Variants in RBFOX1 observed in about 807,000 individuals in gnomAD.
RBFOX1 encodes RNA binding protein fox-1 homolog 1.
RBFOX1 carries 8 observed loss-of-function variants against 57.7 expected under a neutral mutation model. That is an observed-to-expected ratio of 0.14 (90% CI 0.08 to 0.25). The LOEUF is 0.25. Ranked by LOEUF, RBFOX1 falls within the 10% of genes least tolerant of loss-of-function variation. The pLI is 1.00. For synonymous variants in RBFOX1, 326 were observed against 222.4 expected, an observed-to-expected ratio of 1.47 and a Z score of -4.15; for missense variants, 611 against 548.5, an observed-to-expected ratio of 1.11 and a Z score of -1.14.
chr16:7,313,475 C>CTTTT (rs5815390), intron 4 of RBFOX1, among the ~76,000 whole-genome samples: 1 of 144,278 alleles, frequency 6.9e-6, no homozygotes. Context: ...CTTTTCTTGT[C>CTTTT]TTTTTTTTTT....
intron 3 of RBFOX1, among the ~76,000 whole-genome samples, chr16:6,925,736 C>T (rs561823967): frequency 6.6e-6 from 1 of 151,876 alleles, no homozygotes; most frequent in Non-Finnish European, 1.5e-5. Flanking sequence ...TTTAAACACC[C>T]AAACACAGAC....
At chr16:7,465,774 C>T (rs185479200) in intron 4 of RBFOX1, among the ~76,000 whole-genome samples, 24 of 152,238 alleles carry the variant, frequency 1.6e-4, no homozygotes, top group African/African-American at 5.5e-4. Context: ...TAATGCTGAA[C>T]CCCAGGAATA....
chr16:7,232,142 G>A (rs2093535428), intron 4 of RBFOX1, among the ~76,000 whole-genome samples: 1 of 151,994 alleles, frequency 6.6e-6, no homozygotes, highest in African/African-American at 2.4e-5. Flanking sequence ...TCCTGCTTCA[G>A]CCTCCTGAGT....
chr16:6,163,546 A>G (rs781584598), intron 1 of RBFOX1, among the ~76,000 whole-genome samples: 4 of 152,082 alleles, frequency 2.6e-5, no homozygotes. Flanking sequence ...TTGGATGTTA[A>G]TTTGTTGTTC....
At chr16:5,551,797 C>T (rs933207680) in intron 2 of RBFOX1, among the ~76,000 whole-genome samples, 2 of 151,726 alleles carry the variant, frequency 1.3e-5, no homozygotes, top group Non-Finnish European at 2.9e-5. Flanking sequence ...CTCCGCCCCC[C>T]ACCCCCCGAC....
intron 2 of RBFOX1, among the ~76,000 whole-genome samples, chr16:6,527,549 C>A (rs1156650497): frequency 6.6e-6 from 1 of 152,086 alleles, no homozygotes; most frequent in African/African-American, 2.4e-5. Flanking sequence ...TCATTCAGGC[C>A]ACTTGAAACA....
chr16:5,619,058 A>G (rs1433959182), intron 3 of RBFOX1, among the ~76,000 whole-genome samples: 4 of 152,204 alleles, frequency 2.6e-5, no homozygotes, highest in Non-Finnish European at 5.9e-5. Context: ...CAAAATGTCT[A>G]GTCTATTCAC....
At chr16:6,973,199 G>C (rs112990662) in intron 3 of RBFOX1, among the ~76,000 whole-genome samples, 3 of 151,840 alleles carry the variant, frequency 2.0e-5, no homozygotes, top group African/African-American at 7.3e-5. Flanking sequence ...GTGTGGTGGT[G>C]GGGGGCGGGG....
chr16:7,123,533 T>G (rs1037617729), intron 4 of RBFOX1, among the ~76,000 whole-genome samples: 7 of 152,026 alleles, frequency 4.6e-5, no homozygotes, highest in African/African-American at 1.7e-4. Flanking sequence ...ATTGGCTAAT[T>G]CTTTTAATTT....
At chr16:7,641,092 G>C (rs937226252) in intron 11 of RBFOX1, among the ~76,000 whole-genome samples, 1 of 152,108 alleles carries the variant, frequency 6.6e-6, no homozygotes, top group African/African-American at 2.4e-5. Context: ...CTACAGAGCT[G>C]GGAAGGAACA....
At chr16:6,383,502 C>A (rs183897850) in intron 2 of RBFOX1, among the ~76,000 whole-genome samples, 1 of 152,278 alleles carries the variant, frequency 6.6e-6, no homozygotes, top group East Asian at 1.9e-4. Context: ...GGGCTGGACA[C>A]AGTGGCTCAT....
At chr16:6,702,511 G>A (rs1342037045) in intron 3 of RBFOX1, among the ~76,000 whole-genome samples, 4 of 151,828 alleles carry the variant, frequency 2.6e-5, no homozygotes, top group East Asian at 2.0e-4. Context: ...CCAAGATTGT[G>A]CCATTGCACT....
At chr16:7,688,698 G>T (rs1208523970) in intron 14 of RBFOX1, among the ~76,000 whole-genome samples, 1 of 152,126 alleles carries the variant, frequency 6.6e-6, no homozygotes, top group Non-Finnish European at 1.5e-5. Context: ...GGCAGATAGA[G>T]TATAGATGGT....
At chr16:7,007,415 C>T (rs955807333) in intron 3 of RBFOX1, among the ~76,000 whole-genome samples, 3 of 152,066 alleles carry the variant, frequency 2.0e-5, no homozygotes, top group Non-Finnish European at 4.4e-5. Context: ...TGGGATTTTC[C>T]CCAATAATCC....
intron 3 of RBFOX1, chr16:6,723,916 A>G (rs528345185): frequency 6.6e-6 from 1 of 152,190 alleles, no homozygotes; most frequent in South Asian, 2.1e-4. Flanking sequence ...GTCATGATCC[A>G]TCAGGAAAAT....
intron 3 of RBFOX1, among the ~76,000 whole-genome samples, chr16:6,790,584 C>G (rs570299171): frequency 6.6e-6 from 1 of 152,162 alleles, no homozygotes; most frequent in Non-Finnish European, 1.5e-5. Context: ...GTTTTCCCAA[C>G]ACTGCCTTCT....
chr16:7,196,332 C>G (rs1002107348), intron 4 of RBFOX1, among the ~76,000 whole-genome samples: 1 of 152,122 alleles, frequency 6.6e-6, no homozygotes, highest in Admixed American at 6.5e-5. Flanking sequence ...CAGGGAATTT[C>G]TCCTTCAACT....
intron 3 of RBFOX1, among the ~76,000 whole-genome samples, chr16:7,031,049 A>T (rs2042663358): frequency 6.6e-6 from 1 of 152,192 alleles, no homozygotes; most frequent in Non-Finnish European, 1.5e-5. Flanking sequence ...ATGGTGTATG[A>T]TGCTGATGCT....
chr16:6,884,100 C>G (rs1037864747), intron 3 of RBFOX1, among the ~76,000 whole-genome samples: 1 of 152,172 alleles, frequency 6.6e-6, no homozygotes. Context: ...ACCTGCGATG[C>G]GCTGCAGAAG....
Sources: allele counts gnomAD v4.1 joint callset (sites outside exome capture counted in the v4.1 genomes callset), GRCh38; gene constraint gnomAD v4.1.1; transcripts MANE v1.5; gene names NCBI Gene and HGNC (gene_info 2026-07-23, HGNC 2026-07-21).